The following PAX5 variants were observed in gnomAD, a reference collection of about 807,000 sequenced individuals.
PAX5 encodes paired box 5, also known as paired box protein Pax-5.
PAX5 carries 9 observed loss-of-function variants against 43.7 expected under a neutral mutation model. The observed-to-expected ratio is 0.21, with a 90% CI of 0.12 to 0.36. PAX5 has a LOEUF of 0.36. Ranked by LOEUF, PAX5 falls within the 10% of genes least tolerant of loss-of-function variation. The pLI, the probability that PAX5 is intolerant of heterozygous loss-of-function variation, is 1.00. For synonymous variants in PAX5, 228 were observed against 214.3 expected (o/e 1.06, Z -0.56); for missense variants, 383 against 532.7 (o/e 0.72, Z 2.77).
At chr9:36,962,138 T>G (rs1194419292) in intron 6 of PAX5, among the ~76,000 whole-genome samples, 1 of 152,114 alleles carries the variant, frequency 6.6e-6, no homozygotes, top group Non-Finnish European at 1.5e-5. Flanking sequence ...CTGGCCCCAA[T>G]GAGGAATGTT....
chr9:36,923,378 G>A lies in PAX5; in HGVS notation c.887C>T (p.Pro296Leu), dbSNP rs376952815. The A allele has an allele frequency of 1.2e-5, 20 of 1,612,878 alleles. No individual in the cohort carries two copies. Among genetic ancestry groups the A allele is most frequent in the Admixed American group, 6.7e-5 (4 of 59,990 alleles). Reference sequence around the variant, plus strand: ...ACCTGTCACAATGGGGTAGGACTGCGGGCCTGGCACACTGCTCCCGATGTC... The same window carrying A: ...ACCTGTCACAATGGGGTAGGACTGCAGGCCTGGCACACTGCTCCCGATGTC... Reference protein sequence around the residue: ...PADIGSSVPGPQSYPIVTGRD... With the variant: ...PADIGSSVPGLQSYPIVTGRD... The change falls in exon 7 of 10, where the codon CCG (proline) becomes CTG (leucine). Residue 296 changes from proline to leucine, a missense_variant. Transcript: ENST00000358127.
At chr9:36,967,136 G>A (rs1834515340) in intron 5 of PAX5, among the ~76,000 whole-genome samples, 1 of 152,166 alleles carries the variant, frequency 6.6e-6, no homozygotes, top group Non-Finnish European at 1.5e-5. Flanking sequence ...ACCTTCCCGG[G>A]AGGTACAGTT....
intron 8 of PAX5, among the ~76,000 whole-genome samples, chr9:36,868,637 G>A (rs759548404): frequency 2.7e-4 from 41 of 152,064 alleles, no homozygotes; most frequent in Admixed American, 4.6e-4. Context: ...AAAAGAACTC[G>A]AGTTAGGAAG....
intron 7 of PAX5, among the ~76,000 whole-genome samples, chr9:36,898,518 C>T (rs1828072145): frequency 6.6e-6 from 1 of 152,192 alleles, no homozygotes; most frequent in Admixed American, 6.5e-5. Flanking sequence ...CCAGCCATCC[C>T]CACCAAATTG....
chr9:37,012,021 G>T (rs746755005), intron 3 of PAX5, among the ~76,000 whole-genome samples: 1 of 152,142 alleles, frequency 6.6e-6, no homozygotes, highest in Non-Finnish European at 1.5e-5. Flanking sequence ...GGGTTTAGGG[G>T]TGAGGAAGGC....
chr9:36,942,301 C>G (rs1832117359), intron 6 of PAX5, among the ~76,000 whole-genome samples: 1 of 152,232 alleles, frequency 6.6e-6, no homozygotes, highest in Non-Finnish European at 1.5e-5. Context: ...GACAGGAGGC[C>G]TCAAATCAGA....
chr9:37,015,296 A>G lies in PAX5; in HGVS notation c.213-102T>C. 1 of 940,294 alleles carries G rather than the reference A, an allele frequency of 1.1e-6. No individual in the cohort carries two copies. Among genetic ancestry groups the G allele is most frequent in the East Asian group, 2.4e-5 (1 of 41,308 alleles). The allele number at this position is 940,294 out of a possible 1,614,324, so 58.2% of individuals were successfully genotyped here. A position where few individuals can be genotyped will look rare whatever the true frequency, so the allele number is the denominator to read the frequency against. On this transcript the variant is annotated intron_variant, in intron 2 of 9. Coordinates refer to ENST00000358127, the MANE Select transcript of PAX5 (RefSeq NM_016734.3). This position sits in a 1 kb window ranked among gnomAD's most constrained non-coding sequence, Gnocchi z 4.4. Reference sequence around the variant, plus strand: ...CTGGCCAGGAAACGTCCGGATCTGCACGTTCCAATACAGTAGCCACCAGCC... The same window carrying G: ...CTGGCCAGGAAACGTCCGGATCTGCGCGTTCCAATACAGTAGCCACCAGCC...
chr9:36,910,481 G>A (rs1358850251), intron 7 of PAX5, among the ~76,000 whole-genome samples: 1 of 152,118 alleles, frequency 6.6e-6, no homozygotes, highest in African/African-American at 2.4e-5. Flanking sequence ...TATCTCCTCT[G>A]GTTGTTAAAA....
At chr9:36,965,497 G>A (rs554218480) in intron 6 of PAX5, among the ~76,000 whole-genome samples, 2 of 152,236 alleles carry the variant, frequency 1.3e-5, no homozygotes, top group Admixed American at 6.5e-5. Flanking sequence ...CAGACAGACT[G>A]TCATAGATGG....
intron 7 of PAX5, among the ~76,000 whole-genome samples, chr9:36,898,406 ACG>A (rs1828059661): frequency 6.6e-6 from 1 of 152,140 alleles, no homozygotes; most frequent in Non-Finnish European, 1.5e-5. Flanking sequence ...AGAAGGAGGC[ACG>A]TGGGGTCTGC....
In PAX5 at chr9:36,839,925, C is replaced by T. The variant is rs1160519160; in HGVS notation, c.*635G>A. The T allele has an allele frequency of 4.3e-6, 1 of 234,690 alleles. No homozygotes were observed. Among genetic ancestry groups the T allele is most frequent in the African/African-American group, 2.2e-5 (1 of 45,338 alleles). 14.5% of individuals were successfully genotyped at this position (234,690 alleles called of 1,614,324 possible). ...GCCTCAGGGGGAGCCTGCAGCACAA[C>T]CAGCCCAGTGAGACTCCTCGTAAAG... On this transcript the variant is annotated 3_prime_UTR_variant, in exon 10 of 10. Coordinates refer to ENST00000358127, the MANE Select transcript of PAX5 (RefSeq NM_016734.3).
At chr9:36,863,460 G>A (rs1824432479) in intron 8 of PAX5, among the ~76,000 whole-genome samples, 1 of 152,154 alleles carries the variant, frequency 6.6e-6, no homozygotes, top group South Asian at 2.1e-4. Flanking sequence ...TCAGTGATGT[G>A]CCGGGTACTA....
At chr9:36,905,851 C>T (rs1828777070) in intron 7 of PAX5, among the ~76,000 whole-genome samples, 1 of 152,196 alleles carries the variant, frequency 6.6e-6, no homozygotes, top group African/African-American at 2.4e-5. Flanking sequence ...CTCAGCCTCC[C>T]CATCTGTTCA....
intron 6 of PAX5, among the ~76,000 whole-genome samples, chr9:36,950,358 C>A (rs1832894873): frequency 6.6e-6 from 1 of 152,230 alleles, no homozygotes; most frequent in Non-Finnish European, 1.5e-5. Flanking sequence ...ACAAATTCAT[C>A]TTTTCTCCAA....
chr9:36,994,098 G>A (rs1837182364), intron 5 of PAX5, among the ~76,000 whole-genome samples: 1 of 152,158 alleles, frequency 6.6e-6, no homozygotes, highest in Non-Finnish European at 1.5e-5. Context: ...CCACCCGTGG[G>A]ACAGGCCCTG....
chr9:36,930,386 G>T (rs967830140), intron 6 of PAX5, among the ~76,000 whole-genome samples: 1 of 151,916 alleles, frequency 6.6e-6, no homozygotes, highest in South Asian at 2.1e-4. Context: ...ACCACACCCA[G>T]CACCTAATTA....
chr9:36,986,903 G>C (rs906461160), intron 5 of PAX5, among the ~76,000 whole-genome samples: 1 of 152,224 alleles, frequency 6.6e-6, no homozygotes, highest in African/African-American at 2.4e-5. Flanking sequence ...GAGTAGGCTC[G>C]AAGGAGATGG....
Position 36,936,695 on chromosome 9 carries a change from A to G in PAX5, c.781-13211T>C, listed in dbSNP as rs186928662. ...AAGGTTATGTTGGAGGCATGGAGAA[A>G]TGAAAAGAGAAAACTTCACTCCACA... On this transcript the variant is annotated intron_variant, in intron 6 of 9. Transcript: ENST00000358127. 2.5e-3 allele frequency among the ~76,000 whole-genome samples: 381 copies of G among 152,328 alleles called. 2 individuals are homozygous for G. Among genetic ancestry groups the G allele is most frequent in the African/African-American group, 8.8e-3 (366 of 41,562 alleles).
rs1404785279 is a variant in PAX5 at position 37,002,736 on chromosome 9, C to A, written c.516G>T (p.Thr172=). Residue 172 remains threonine, a synonymous_variant, in exon 5 of 10, where the codon ACG becomes ACT. Coordinates refer to ENST00000358127, the MANE Select transcript of PAX5 (RefSeq NM_016734.3). Reference sequence around the variant, plus strand: ...TGGAGTACGACGAGCCGGCCGAATCCGTGCTCACCGAGGACACCTGCGTCA... The same window carrying A: ...TGGAGTACGACGAGCCGGCCGAATCAGTGCTCACCGAGGACACCTGCGTCA... ...GSVTQVSSVS[T]DSAGSSYSIS... 6 of 1,610,410 alleles carry A rather than the reference C, an allele frequency of 3.7e-6. No individual in the cohort carries two copies. The African/African-American group carries it at 8.0e-5, about 21-fold the overall frequency.
Sources: allele counts gnomAD v4.1 joint callset (sites outside exome capture counted in the v4.1 genomes callset), GRCh38; gene constraint gnomAD v4.1.1; non-coding constraint Gnocchi (gnomAD v3.1); transcripts MANE v1.5; gene names NCBI Gene and HGNC (gene_info 2026-07-23, HGNC 2026-07-21).